The following TRMT44 variants were observed in gnomAD, a reference collection of about 807,000 sequenced individuals.
The protein encoded by TRMT44 is probable tRNA (uracil-O(2)-)-methyltransferase.
TRMT44 carries 78 observed loss-of-function variants against 77.3 expected under a neutral mutation model. The observed-to-expected ratio is 1.01, with a 90% CI of 0.84 to 1.22. TRMT44 has a LOEUF of 1.22. Among genes scored for constraint, TRMT44 ranks in the 50% most tolerant of loss-of-function variants. The probability of loss-of-function intolerance (pLI) is 0.00; values close to 1 mark genes in which losing one functional copy is unlikely to be tolerated. For missense variants in TRMT44, 1,090 were observed against 964.4 expected (o/e 1.13, Z -1.73); for synonymous variants, 391 against 383.3 (o/e 1.02, Z -0.23).
In TRMT44 at chr4:8,468,221, G is replaced by C; in HGVS notation, c.1802G>C (p.Cys601Ser). ...PREKAERVRN[C>S]AALPRDFIDQ... ...GAAAAGGCTGAGCGTGTGAGGAACT[G>C]TGCCGCCCTGCCACGAGATTTTATT... The change falls in exon 9 of 11, where the codon TGT becomes TCT. Residue 601 changes from cysteine (C) to serine (S), a missense_variant. By Grantham distance (112) the Cys-to-Ser change is moderately radical (BLOSUM62 -1). Coordinates refer to ENST00000389737, the MANE Select transcript of TRMT44 (RefSeq NM_152544.3). 2 of 1,614,246 alleles carry C rather than the reference G, an allele frequency of 1.2e-6. No homozygotes were observed. Among genetic ancestry groups the C allele is most frequent in the Non-Finnish European group, 1.7e-6 (2 of 1,180,048 alleles).
intron 8 of TRMT44, among the ~76,000 whole-genome samples, chr4:8,466,881 T>A (rs984362746): frequency 7.2e-5 from 11 of 152,330 alleles, no homozygotes; most frequent in African/African-American, 2.4e-4. Flanking sequence ...GGACTGGGTG[T>A]GTGACAGGCA....
At chr4:8,462,580 C>G (rs555556640) in intron 6 of TRMT44, among the ~76,000 whole-genome samples, 12 of 152,094 alleles carry the variant, frequency 7.9e-5, no homozygotes, top group African/African-American at 2.7e-4. Context: ...TGGCGGGTGC[C>G]TGTAATCCCA....
intron 2 of TRMT44, among the ~76,000 whole-genome samples, chr4:8,489,216 A>T (rs888112074): frequency 3.9e-5 from 6 of 152,226 alleles, no homozygotes; most frequent in African/African-American, 1.2e-4. Flanking sequence ...ATGGGATCAC[A>T]TTCATAGCCT....
rs772764469 is a variant in TRMT44 at position 8,446,719 on chromosome 4, G to A, written c.734+129G>A. ...GGTGGTTATGGTTTGTAGGAATGCA[G>A]TTGCTAGCTTATGTGCCCAGGCCAT... On this transcript the variant is annotated intron_variant, in intron 2 of 10. Transcript: ENST00000389737. This position sits in a 1 kb window ranked among gnomAD's most constrained non-coding sequence, Gnocchi z 4.3. The A allele has an allele frequency of 1.6e-6, 1 of 618,624 alleles. No homozygotes were observed. Among genetic ancestry groups the A allele is most frequent in the African/African-American group, 1.9e-5 (1 of 53,934 alleles). 38.3% of individuals were successfully genotyped at this position (618,624 alleles called of 1,614,324 possible). A position where few individuals can be genotyped will look rare whatever the true frequency, so the allele number is the denominator to read the frequency against.
At chr4:8,498,258 T>G (rs1311073988), downstream of TRMT44, among the ~76,000 whole-genome samples, 1 of 152,186 alleles carries the variant, frequency 6.6e-6, no homozygotes, top group Non-Finnish European at 1.5e-5. The surrounding 1 kb of genome is among the most constrained non-coding windows in gnomAD (Gnocchi z 4.3). Context: ...GGTCTGGCAG[T>G]TTCTTCCAGA....
chr4:8,477,870 G>C (rs754981750), downstream of TRMT44: 2 of 152,738 alleles, frequency 1.3e-5, no homozygotes, highest in African/African-American at 2.4e-5. Context: ...ATGGCAGAGC[G>C]AGAGGGAAGT....
intron 3 of TRMT44, 65 bp downstream of exon 3, chr4:8,449,953 T>TCTTTTA: frequency 1.7e-5 from 9 of 545,120 alleles, no homozygotes; most frequent in Non-Finnish European, 2.1e-5. Flanking sequence ...TCTTTTCTTT[T>TCTTTTA]TTTTTTTTTT....
chr4:8,449,733 C>G lies in TRMT44; in HGVS notation c.799C>G (p.Pro267Ala), dbSNP rs61739067. The change falls in exon 3 of 11, where the codon CCC becomes GCC. Residue 267 changes from proline to alanine, a missense_variant. Transcript: ENST00000389737. The stretch of plus-strand genomic sequence containing the variant: ...TTCAGATGGAATCGTGTATCCCAAA[C>G]CCACGTGGCTTGGAGAAGAGTTGCT... ...WHSDGIVYPKPTWLGEELLAK... is the reference protein window; with the variant it reads ...WHSDGIVYPKATWLGEELLAK... 3 of 1,536,040 alleles carry G rather than the reference C, an allele frequency of 2.0e-6. No homozygotes were observed. In the African/African-American group the frequency reaches 4.1e-5, roughly 21 times the overall value.
the TRMT44 span, among the ~76,000 whole-genome samples, chr4:8,505,081 G>A: frequency 3.9e-5 from 6 of 152,254 alleles, no homozygotes; most frequent in East Asian, 3.9e-4. Flanking sequence ...TCCTGGCTGC[G>A]TGACCTCTCA....
chr4:8,443,060 A>G (rs1267750216), intron 1 of TRMT44, among the ~76,000 whole-genome samples: 1 of 152,106 alleles, frequency 6.6e-6, no homozygotes, highest in Non-Finnish European at 1.5e-5. Flanking sequence ...TCAGGCAGCA[A>G]TTGCTGGGAG....
At chr4:8,466,526 G>A (rs1260970886) in intron 8 of TRMT44, among the ~76,000 whole-genome samples, 2 of 152,238 alleles carry the variant, frequency 1.3e-5, no homozygotes, top group Non-Finnish European at 2.9e-5. Flanking sequence ...GGCCGCTGGC[G>A]CTGTCACTGC....
chr4:8,455,826 C>G (rs1460338711), intron 6 of TRMT44, among the ~76,000 whole-genome samples: 1 of 151,990 alleles, frequency 6.6e-6, no homozygotes, highest in Non-Finnish European at 1.5e-5. Context: ...CTTTGTGGGC[C>G]AGTTTTATAC....
At chr4:8,466,383 G>A (rs939169262) in intron 8 of TRMT44, among the ~76,000 whole-genome samples, 5 of 152,238 alleles carry the variant, frequency 3.3e-5, no homozygotes, top group Non-Finnish European at 7.3e-5. Flanking sequence ...AGGCTGCCCG[G>A]GTCTCTGTGG....
At chr4:8,471,516 C>A (rs891276037) in intron 10 of TRMT44, among the ~76,000 whole-genome samples, 4 of 152,258 alleles carry the variant, frequency 2.6e-5, no homozygotes, top group Non-Finnish European at 5.9e-5. Context: ...CGGGTAGCCG[C>A]TGGCCGGTCC....
At chr4:8,475,375 G>A (rs949353509) in intron 10 of TRMT44, among the ~76,000 whole-genome samples, 30 of 152,148 alleles carry the variant, frequency 2.0e-4, no homozygotes, top group African/African-American at 2.2e-4. Context: ...AGGGAAGGTC[G>A]GTGGCCTCAA....
intron 6 of TRMT44, among the ~76,000 whole-genome samples, chr4:8,463,580 T>A (rs1364080645): frequency 6.6e-6 from 1 of 152,236 alleles, no homozygotes; most frequent in African/African-American, 2.4e-5. Flanking sequence ...CGCCCTTAAA[T>A]CACCTTCAGA....
chr4:8,513,521 G>C, the TRMT44 span, among the ~76,000 whole-genome samples: 1 of 152,248 alleles, frequency 6.6e-6, no homozygotes, highest in Non-Finnish European at 1.5e-5. Flanking sequence ...TAATCATAAA[G>C]GTGAAAATGG....
Position 8,464,922 on chromosome 4 carries a change from G to A in TRMT44, c.1311-456G>A, listed in dbSNP as rs114716590. ...AATCATGTCCTTTGCAGCAACATGG[G>A]GTGCAGCTGGAGGCCATTATCCTCA... On this transcript the variant is annotated intron_variant, in intron 7 of 10. Transcript: ENST00000389737. Among the ~76,000 whole-genome samples, 225 of 152,240 alleles carry A rather than the reference G, an allele frequency of 1.5e-3. 1 individual carries two copies. The highest frequency in any genetic ancestry group is 2.6e-3 in the Non-Finnish European group (178 of 68,022).
intron 2 of TRMT44, among the ~76,000 whole-genome samples, chr4:8,488,423 T>A (rs1471389786): frequency 6.6e-6 from 1 of 152,150 alleles, no homozygotes; most frequent in Non-Finnish European, 1.5e-5. Flanking sequence ...AAAATTACAG[T>A]CAAAGGAGGT....
Sources: gnomAD v4.1 joint callset for allele counts (sites outside exome capture counted in the v4.1 genomes callset) on GRCh38, gnomAD v4.1.1 for gene constraint, Gnocchi (gnomAD v3.1) non-coding constraint, MANE v1.5 for transcripts, NCBI Gene and HGNC (gene_info 2026-07-23, HGNC 2026-07-21) for gene names.